HYLS1: variants seen among roughly 807,000 people sequenced by gnomAD.
The protein encoded by HYLS1 is HYLS1 centriolar and ciliogenesis associated.
HYLS1 carries 25 observed loss-of-function variants against 29.4 expected under a neutral mutation model. The observed-to-expected ratio is 0.85, with a 90% confidence interval of 0.62 to 1.19. The LOEUF (loss-of-function observed/expected upper bound fraction) is 1.19. Among genes scored for constraint, HYLS1 ranks in the 50% most tolerant of loss-of-function variants. HYLS1 has a pLI of 0.00. For synonymous variants in HYLS1, 128 were observed against 126.7 expected (o/e 1.01, Z -0.07); for missense variants, 352 against 365.1 (o/e 0.96, Z 0.29).
upstream of HYLS1, among the ~76,000 whole-genome samples, chr11:125,886,202 C>T (rs1338371225): frequency 6.6e-6 from 1 of 152,144 alleles, no homozygotes; most frequent in Non-Finnish European, 1.5e-5. Flanking sequence ...TAGGGGCAGT[C>T]ACTCAAATCT....
In HYLS1 at chr11:125,900,515, T is replaced by G. The variant is rs1398443383; in HGVS notation, c.*247T>G. ...AGAACAACAGACCTGGTCTTTCTATTTTGTCAAATTAGTAAGGGCCCTTTG... is the reference window on the plus strand; with the variant it reads ...AGAACAACAGACCTGGTCTTTCTATGTTGTCAAATTAGTAAGGGCCCTTTG... On this transcript the variant is annotated 3_prime_UTR_variant, in exon 3 of 3. Coordinates refer to ENST00000425380, the MANE Select transcript of HYLS1 (RefSeq NM_001134793.2). The G allele has an allele frequency of 2.0e-6, 1 of 495,882 alleles. No homozygotes were observed. Among genetic ancestry groups the G allele is most frequent in the Non-Finnish European group, 3.7e-6 (1 of 266,714 alleles). 30.7% of individuals were successfully genotyped at this position (495,882 alleles called of 1,614,324 possible).
chr11:125,884,784 T>C (rs1944280598), upstream of HYLS1, among the ~76,000 whole-genome samples: 2 of 152,246 alleles, frequency 1.3e-5, no homozygotes, highest in Non-Finnish European at 2.9e-5. Context: ...AGTTAATCAT[T>C]GCTGAATCTG....
In HYLS1 at chr11:125,900,226, T is replaced by C; in HGVS notation, c.858T>C (p.Gly286=). 1 of 1,614,234 alleles carries C rather than the reference T, an allele frequency of 6.2e-7. No individual in the cohort carries two copies. The highest frequency in any genetic ancestry group is 8.5e-7 in the Non-Finnish European group (1 of 1,180,042). ...RWGVRCDLAN[G]VIPRKLPFPL... ...GTGTTCGTTGTGACCTTGCAAATGGTGTCATACCCAGGAAGCTTCCCTTCC... is the reference window on the plus strand; with the variant it reads ...GTGTTCGTTGTGACCTTGCAAATGGCGTCATACCCAGGAAGCTTCCCTTCC... Residue 286 remains glycine, a synonymous_variant, in exon 3 of 3, where the codon GGT becomes GGC. Transcript: ENST00000425380.
intron 2 of HYLS1, among the ~76,000 whole-genome samples, chr11:125,898,105 A>C (rs1944642697): frequency 6.6e-6 from 1 of 152,202 alleles, no homozygotes; most frequent in Non-Finnish European, 1.5e-5. Context: ...ATTAAAAAAA[A>C]ATGTACATGT....
At chr11:125,892,023 T>G (rs1223288321) in intron 2 of HYLS1, among the ~76,000 whole-genome samples, 1 of 152,232 alleles carries the variant, frequency 6.6e-6, no homozygotes, top group East Asian at 1.9e-4. Context: ...CCTGAAGTCT[T>G]GAACATGGGT....
At chr11:125,886,939 A>AAAAAAG (rs56367330), upstream of HYLS1, 1 of 152,348 alleles carries the variant, frequency 6.6e-6, no homozygotes. Context: ...AAAAAAAAAA[A>AAAAAAG]GTTGAGAGTA....
intron 2 of HYLS1, chr11:125,893,803 TTC>T: frequency 6.2e-7 from 1 of 1,609,940 alleles, no homozygotes; most frequent in Non-Finnish European, 8.5e-7. Flanking sequence ...TGCTTTTAAT[TTC>T]TGTGTCAACA....
intron 1 of HYLS1, among the ~76,000 whole-genome samples, chr11:125,890,410 ATT>A (rs750360974): frequency 6.6e-6 from 1 of 152,020 alleles, no homozygotes; most frequent in Non-Finnish European, 1.5e-5. Context: ...TCATTATGGT[ATT>A]GTTTGCCTTT....
chr11:125,897,418 TAA>T (rs1436925381), intron 2 of HYLS1, among the ~76,000 whole-genome samples: 2 of 149,250 alleles, frequency 1.3e-5, no homozygotes, highest in African/African-American at 5.0e-5. Flanking sequence ...CAGCAAAAAA[TAA>T]AAGGCAAATG....
upstream of HYLS1, chr11:125,887,104 AG>A (rs1042467319): frequency 8.5e-5 from 13 of 152,664 alleles, no homozygotes; most frequent in African/African-American, 2.7e-4. Flanking sequence ...TGCAGAGGAA[AG>A]GAAGAGCTCA....
intron 2 of HYLS1, chr11:125,895,366 C>CA (rs1944549376): frequency 6.2e-7 from 1 of 1,614,226 alleles, no homozygotes; most frequent in African/African-American, 1.3e-5. Flanking sequence ...CCAGTCACTT[C>CA]AAACTGACAT....
chr11:125,893,588 G>A, intron 2 of HYLS1: 2 of 479,058 alleles, frequency 4.2e-6, no homozygotes, highest in Middle Eastern at 5.6e-4. Context: ...TAATCCTTTT[G>A]GACCGGGATA....
intron 2 of HYLS1, among the ~76,000 whole-genome samples, chr11:125,893,192 G>A (rs1944461957): frequency 6.6e-6 from 1 of 152,162 alleles, no homozygotes. Context: ...TGCAATAGAG[G>A]CCATTTGTTG....
At position 125,900,157 on chromosome 11, in the gene HYLS1, T is replaced by C; in HGVS notation, c.789T>C (p.Asn263=). ...SKPQHIYVPN[N]YLVPTEKKRS... ...CTCAGCATATATATGTCCCAAACAA[T>C]TATCTAGTACCAACAGAGAAGAAAA... The change falls in exon 3 of 3, where the codon AAT becomes AAC. Residue 263 remains asparagine (N), a synonymous_variant. Transcript: ENST00000425380. 1 of 1,614,144 alleles carries C rather than the reference T, an allele frequency of 6.2e-7. No homozygotes were observed. Among genetic ancestry groups the C allele is most frequent in the Non-Finnish European group, 8.5e-7 (1 of 1,180,018 alleles).
intron 2 of HYLS1, 42 bp from the exon 3 acceptor site, chr11:125,899,302 G>C (rs1409350234): frequency 7.0e-7 from 1 of 1,433,150 alleles, no homozygotes; most frequent in African/African-American, 1.4e-5. Context: ...TTATGAGCTG[G>C]GAATTTATTA....
chr11:125,891,832 T>A (rs975332246), intron 2 of HYLS1, among the ~76,000 whole-genome samples: 2 of 152,208 alleles, frequency 1.3e-5, no homozygotes, highest in African/African-American at 4.8e-5. Context: ...TCACCTCACC[T>A]TTTGTATGCT....
chr11:125,895,272 A>G (rs141362244), intron 2 of HYLS1: 13 of 1,608,870 alleles, frequency 8.1e-6, no homozygotes, highest in South Asian at 1.1e-5. Flanking sequence ...CAGCTCATCA[A>G]TAATCTCTGG....
In HYLS1 at chr11:125,887,776, C is replaced by G. The variant is rs914179777; in HGVS notation, c.-76+11C>G. The G allele has an allele frequency of 6.6e-6, 1 of 152,388 alleles. No homozygotes were observed. Among genetic ancestry groups the G allele is most frequent in the Non-Finnish European group, 1.5e-5 (1 of 68,156 alleles). The allele number at this position is 152,388 out of a possible 1,614,324, so 9.4% of individuals were successfully genotyped here. The stretch of plus-strand genomic sequence containing the variant: ...ACTTCCGCGACGCGGGTAAGCCGGG[C>G]GAAGGCCGGAAGCGGAGGGACGCGG... On this transcript the variant is annotated intron_variant, in intron 1 of 2. Coordinates refer to ENST00000425380, the MANE Select transcript of HYLS1 (RefSeq NM_001134793.2).
Position 125,899,557 on chromosome 11 carries a change from T to A in HYLS1, c.189T>A (p.Ala63=). 1 of 1,614,156 alleles carries A rather than the reference T, an allele frequency of 6.2e-7. No homozygotes were observed. The highest frequency in any genetic ancestry group is 8.5e-7 in the Non-Finnish European group (1 of 1,179,998). Reference sequence around the variant, plus strand: ...CAGTAGCCCCAGGGAAGCGACCTGCTCTTCCTGTGCAACTACAGTACCCAC... The same window carrying A: ...CAGTAGCCCCAGGGAAGCGACCTGCACTTCCTGTGCAACTACAGTACCCAC... ...KASVAPGKRP[A]LPVQLQYPHV... is the part of the protein sequence containing the mutation. Residue 63 remains alanine (A), a synonymous_variant, in exon 3 of 3, where the codon GCT becomes GCA. Transcript: ENST00000425380.
Sources: allele counts gnomAD v4.1 joint callset (sites outside exome capture counted in the v4.1 genomes callset), GRCh38; gene constraint gnomAD v4.1.1; transcripts MANE v1.5; gene names NCBI Gene and HGNC (gene_info 2026-07-23, HGNC 2026-07-21).